The following KDM2A variants were observed in gnomAD, a reference collection of about 807,000 sequenced individuals.
KDM2A encodes lysine demethylase 2A, also known as lysine-specific demethylase 2A.
A neutral mutation model predicts 137.3 loss-of-function variants in KDM2A; 3 were observed. The ratio of observed to expected loss-of-function variants is 0.02; its 90% confidence interval spans 0.01 to 0.06. The LOEUF is 0.06. KDM2A is among the 10% of genes least tolerant of loss of function. KDM2A has a pLI of 1.00. For missense variants in KDM2A, 738 were observed against 1,510.6 expected, an observed-to-expected ratio of 0.49 and a Z score of 8.48; for synonymous variants, 512 against 541.5, an observed-to-expected ratio of 0.95 and a Z score of 0.76.
intron 2 of KDM2A, among the ~76,000 whole-genome samples, chr11:67,125,464 A>G (rs1855699358): frequency 6.6e-6 from 1 of 151,924 alleles, no homozygotes; most frequent in Non-Finnish European, 1.5e-5. Flanking sequence ...TTGGGGGGAA[A>G]AAAAAATCAG....
In KDM2A at chr11:67,246,005, C is replaced by G. The variant is rs1247445240; in HGVS notation, c.1854C>G (p.Val618=). 1 of 1,613,940 alleles carries G rather than the reference C, an allele frequency of 6.2e-7. No homozygotes were observed. Among genetic ancestry groups the G allele is most frequent in the Non-Finnish European group, 8.5e-7 (1 of 1,179,850 alleles). Residue 618 remains valine (V), a synonymous_variant, in exon 15 of 21, where the codon GTC becomes GTG. Transcript: ENST00000529006. ...QCLAPRLPHS[V]TCSLCGEVDQ... ...TGTAGCCCAGACTGCCTCACTCAGT[C>G]ACATGTTCCCTCTGTGGAGAGGTGG...
chr11:67,222,221 C>A (rs1281164978), intron 10 of KDM2A, among the ~76,000 whole-genome samples: 2 of 102,442 alleles, frequency 2.0e-5, no homozygotes, highest in Non-Finnish European at 3.9e-5. Context: ...GACCCTGCGG[C>A]CTTCCGCAGT....
intron 5 of KDM2A, among the ~76,000 whole-genome samples, chr11:67,201,142 C>T (rs972942067): frequency 2.0e-5 from 3 of 150,042 alleles, no homozygotes; most frequent in South Asian, 2.1e-4. Flanking sequence ...TGCAGTGAGC[C>T]GAGATTGCAC....
Position 67,143,929 on chromosome 11 carries a change from G to A in KDM2A, c.42+22571G>A, listed in dbSNP as rs565160366. 3.8e-3 allele frequency among the ~76,000 whole-genome samples: 570 copies of A among 150,668 alleles called. 5 individuals are homozygous for A. Among genetic ancestry groups the A allele is most frequent in the Middle Eastern group, 0.014 (4 of 290 alleles). ...TTACAGGCATGAGCCACTGTGCCTG[G>A]CCTTAAAAAAAACTATTTTTTTTTT... is the stretch of plus-strand genomic sequence containing the variant. On this transcript the variant is annotated intron_variant, in intron 2 of 20. Transcript: ENST00000529006.
chr11:67,167,079 A>G (rs1856764577), intron 2 of KDM2A, among the ~76,000 whole-genome samples: 1 of 152,086 alleles, frequency 6.6e-6, no homozygotes, highest in African/African-American at 2.4e-5. Context: ...CTCTGCCTCA[A>G]AAAAAAATTA....
At chr11:67,148,069 A>G (rs1856297097) in intron 2 of KDM2A, among the ~76,000 whole-genome samples, 1 of 151,996 alleles carries the variant, frequency 6.6e-6, no homozygotes, top group Non-Finnish European at 1.5e-5. Context: ...GATTGACTTA[A>G]AGTATTTACT....
chr11:67,122,736 C>T (rs1438628597), intron 2 of KDM2A, among the ~76,000 whole-genome samples: 2 of 151,194 alleles, frequency 1.3e-5, no homozygotes, highest in African/African-American at 2.4e-5. Flanking sequence ...AGTGCAGTGG[C>T]GCAATCTCTG....
chr11:67,121,236 T>C lies in KDM2A; in HGVS notation c.-81T>C. On this transcript the variant is annotated splice_region_variant and 5_prime_UTR_variant, in exon 2 of 21. Coordinates refer to ENST00000529006, the MANE Select transcript of KDM2A (RefSeq NM_012308.3). ...CTGCTTATATCATTATTCTTTAGTG[T>C]TGCAATCTGGTTCCTAAGGAGGAAG... 2.0e-6 allele frequency: 2 copies of C among 998,188 alleles called. No homozygotes were observed. The highest frequency in any genetic ancestry group is 3.2e-6 in the Non-Finnish European group (2 of 628,482). The allele number at this position is 998,188 out of a possible 1,614,324, so 61.8% of individuals were successfully genotyped here.
At chr11:67,215,299 C>T in intron 6 of KDM2A, 41 bp from the exon 7 acceptor site, 2 of 1,361,904 alleles carry the variant, frequency 1.5e-6, no homozygotes, top group South Asian at 2.5e-5. Context: ...TGACCCCAAC[C>T]TTTCCCTTGG....
intron 15 of KDM2A, among the ~76,000 whole-genome samples, chr11:67,247,071 ATTTTTTTTTTTTTTTTTTTT>A (rs1156333048): frequency 6.0e-5 from 1 of 16,786 alleles, no homozygotes; most frequent in Non-Finnish European, 1.1e-4. Context: ...ATATATATAT[ATTTTTTTTTTTTTTTTTTTT>A]TTTTTTTTTT....
intron 12 of KDM2A, among the ~76,000 whole-genome samples, chr11:67,232,615 C>T (rs947492804): frequency 1.3e-5 from 2 of 151,750 alleles, no homozygotes; most frequent in Non-Finnish European, 2.9e-5. Context: ...AGGTATTTCT[C>T]CTAATGCTAT....
At chr11:67,123,201 C>G (rs534658344) in intron 2 of KDM2A, among the ~76,000 whole-genome samples, 57 of 150,668 alleles carry the variant, frequency 3.8e-4, no homozygotes, top group Non-Finnish European at 7.5e-4. Flanking sequence ...GTCTTGAACT[C>G]CTGGCCTCAA....
intron 5 of KDM2A, among the ~76,000 whole-genome samples, chr11:67,203,300 T>G (rs1450920899): frequency 6.6e-6 from 1 of 151,808 alleles, no homozygotes; most frequent in Non-Finnish European, 1.5e-5. Context: ...ACCAAAAAGT[T>G]TTGTATGACT....
chr11:67,135,007 C>T (rs1405621506), intron 2 of KDM2A, among the ~76,000 whole-genome samples: 1 of 152,078 alleles, frequency 6.6e-6, no homozygotes, highest in Non-Finnish European at 1.5e-5. Flanking sequence ...CAACTTATTT[C>T]GGTAACATAA....
At chr11:67,207,251 T>A (rs890522417) in intron 5 of KDM2A, among the ~76,000 whole-genome samples, 1 of 152,174 alleles carries the variant, frequency 6.6e-6, no homozygotes, top group Admixed American at 6.5e-5. Flanking sequence ...TTGTTAGGAT[T>A]AAATGAGACA....
chr11:67,230,037 G>A (rs949667503), intron 11 of KDM2A, among the ~76,000 whole-genome samples: 3 of 152,030 alleles, frequency 2.0e-5, no homozygotes, highest in South Asian at 4.2e-4. Context: ...TTAGCTAGAC[G>A]TGGTGGCAGG....
intron 2 of KDM2A, among the ~76,000 whole-genome samples, chr11:67,127,203 C>T (rs932456736): frequency 1.3e-5 from 2 of 152,120 alleles, no homozygotes; most frequent in African/African-American, 4.8e-5. Context: ...CTCAAGTGGT[C>T]CTCCCATCTC....
At chr11:67,190,934 C>T (rs879544965) in intron 5 of KDM2A, among the ~76,000 whole-genome samples, 3 of 152,122 alleles carry the variant, frequency 2.0e-5, no homozygotes, top group Non-Finnish European at 4.4e-5. Flanking sequence ...AATCTCCCAA[C>T]GAAGAAAAGG....
chr11:67,134,703 C>G (rs1590709856), intron 2 of KDM2A, among the ~76,000 whole-genome samples: 2 of 151,966 alleles, frequency 1.3e-5, no homozygotes, highest in African/African-American at 4.8e-5. Flanking sequence ...CAGGATTTCG[C>G]CACGTTGACT....
Sources: gnomAD v4.1 joint callset for allele counts (sites outside exome capture counted in the v4.1 genomes callset) on GRCh38, gnomAD v4.1.1 for gene constraint, MANE v1.5 for transcripts, NCBI Gene and HGNC (gene_info 2026-07-23, HGNC 2026-07-21) for gene names.